The following RORA variants were observed in gnomAD, a reference collection of about 807,000 sequenced individuals.
RORA encodes the protein RAR related orphan receptor A.
RORA carries 7 observed loss-of-function variants against 69.5 expected under a neutral mutation model. The ratio of observed to expected loss-of-function variants is 0.10; its 90% confidence interval spans 0.06 to 0.19. The LOEUF (loss-of-function observed/expected upper bound fraction) is 0.19, where lower values mean the gene tolerates loss of function less well. Ranked by LOEUF, RORA falls within the 10% of genes least tolerant of loss-of-function variation. The pLI is 1.00. For missense variants in RORA, 457 were observed against 663.0 expected (o/e 0.69, Z 3.41); for synonymous variants, 261 against 240.8 (o/e 1.08, Z -0.78).
chr15:60,642,919 G>A (rs2140678685), intron 2 of RORA, among the ~76,000 whole-genome samples: 1 of 152,102 alleles, frequency 6.6e-6, no homozygotes, highest in Admixed American at 6.5e-5. Flanking sequence ...CCATTTGGGA[G>A]GTTGAGGTCA....
chr15:60,725,066 A>G (rs1223293658), intron 1 of RORA, among the ~76,000 whole-genome samples: 2 of 152,250 alleles, frequency 1.3e-5, no homozygotes, highest in East Asian at 3.8e-4. Context: ...CACATTTTAC[A>G]AGGAAAAAGG....
At chr15:60,815,372 T>C (rs2140371479) in intron 1 of RORA, among the ~76,000 whole-genome samples, 1 of 152,238 alleles carries the variant, frequency 6.6e-6, no homozygotes, top group East Asian at 1.9e-4. Flanking sequence ...GTGATTATGG[T>C]TTGTCTTACA....
chr15:61,123,434 C>G (rs2079119548), intron 1 of RORA, among the ~76,000 whole-genome samples: 1 of 152,138 alleles, frequency 6.6e-6, no homozygotes, highest in South Asian at 2.1e-4. Context: ...CTGGGCTAAA[C>G]CAGGTGTCTA....
At position 60,511,711 on chromosome 15, in the gene RORA, A is replaced by T; in HGVS notation, c.425-90T>A. On this transcript the variant is annotated intron_variant, in intron 4 of 10. Transcript: ENST00000335670. This position sits in a 1 kb window ranked among gnomAD's most constrained non-coding sequence, Gnocchi z 6.4. ...GCTTTGGGGTTTCCTTTGAAGTCTC[A>T]CACAATCTCAATCCAAAACTGCATG... is the stretch of plus-strand genomic sequence containing the variant. The T allele has an allele frequency of 7.3e-7, 1 of 1,369,068 alleles. No individual in the cohort carries two copies. The highest frequency in any genetic ancestry group is 9.8e-7 in the Non-Finnish European group (1 of 1,023,278). The allele number at this position is 1,369,068 out of a possible 1,614,324, so 84.8% of individuals were successfully genotyped here.
chr15:60,867,683 A>G (rs2073506010), intron 1 of RORA, among the ~76,000 whole-genome samples: 1 of 152,180 alleles, frequency 6.6e-6, no homozygotes, highest in Non-Finnish European at 1.5e-5. Flanking sequence ...TGTACTCTAT[A>G]GAAATTTTGT....
intron 1 of RORA, among the ~76,000 whole-genome samples, chr15:60,757,944 C>A (rs2071826485): frequency 6.6e-6 from 1 of 152,148 alleles, no homozygotes; most frequent in South Asian, 2.1e-4. Flanking sequence ...CACGGTACAG[C>A]CCAGCAATGC....
At chr15:60,638,136 G>T (rs935851556) in intron 2 of RORA, among the ~76,000 whole-genome samples, 12 of 152,176 alleles carry the variant, frequency 7.9e-5, no homozygotes, top group African/African-American at 2.9e-4. Flanking sequence ...GACATTTAAT[G>T]TTAAAAAGAT....
At chr15:61,047,939 A>G (rs946189809) in intron 1 of RORA, among the ~76,000 whole-genome samples, 3 of 152,180 alleles carry the variant, frequency 2.0e-5, no homozygotes, top group Non-Finnish European at 4.4e-5. Context: ...ACTTCTTCCT[A>G]TTGTGGCAAA....
chr15:60,503,569 C>G lies in RORA; in HGVS notation c.1041G>C (p.Leu347=). ...FAKRIDGFME[L]CQNDQIVLLK... ...GAAGCACAATTTGATCATTTTGACA[C>G]AGTTCCATAAATCCATCAATGCGTT... Residue 347 remains leucine (L), a synonymous_variant, in exon 7 of 11, where the codon CTG becomes CTC. Transcript: ENST00000335670. The G allele has an allele frequency of 6.2e-7, 1 of 1,614,122 alleles. No homozygotes were observed. The highest frequency in any genetic ancestry group is 8.5e-7 in the Non-Finnish European group (1 of 1,180,000).
At chr15:60,840,994 T>C (rs759764309) in intron 1 of RORA, 12 of 618,340 alleles carry the variant, frequency 1.9e-5, no homozygotes, top group Non-Finnish European at 2.4e-5. Flanking sequence ...CAATACCACC[T>C]CCTTCCTCGA....
At position 60,587,782 on chromosome 15, in the gene RORA, G is replaced by A. The variant is rs148269026; in HGVS notation, c.197-55931C>T. ...AGGAGCAAAGATTTTTAAAGTTATCGTATTATCTCCTGAAAATATGATGAG... is the reference window on the plus strand; with the variant it reads ...AGGAGCAAAGATTTTTAAAGTTATCATATTATCTCCTGAAAATATGATGAG... On this transcript the variant is annotated intron_variant, in intron 2 of 10. Transcript: ENST00000335670. 1.6e-4 allele frequency among the ~76,000 whole-genome samples: 25 copies of A among 152,190 alleles called. No individual in the cohort carries two copies. The East Asian group carries it at 3.5e-3, about 21-fold the overall frequency.
At chr15:61,163,116 G>A (rs144248730) in intron 1 of RORA, among the ~76,000 whole-genome samples, 51 of 152,268 alleles carry the variant, frequency 3.3e-4, no homozygotes, top group South Asian at 1.0e-3. Flanking sequence ...TTTTAGTGGG[G>A]TTTTTAAACA....
intron 1 of RORA, among the ~76,000 whole-genome samples, chr15:61,177,486 CAT>C (rs1271408943): frequency 1.2e-4 from 18 of 152,172 alleles, no homozygotes; most frequent in Admixed American, 9.2e-4. Context: ...TGGTTGCACA[CAT>C]GTTTACAACG....
chr15:60,927,420 C>T lies in RORA; in HGVS notation c.167-248734G>A, dbSNP rs75288856. On this transcript the variant is annotated intron_variant, in intron 1 of 10. Coordinates refer to ENST00000335670, the MANE Select transcript of RORA (RefSeq NM_134261.3). ...TATTAAATAACACTTCTTTCAATTTCGAATATAGTCTTTGCAGCTTCCTCT... is the reference window on the plus strand; with the variant it reads ...TATTAAATAACACTTCTTTCAATTTTGAATATAGTCTTTGCAGCTTCCTCT... Among the ~76,000 whole-genome samples, 1,239 of 152,288 alleles carry T rather than the reference C, an allele frequency of 8.1e-3. 24 individuals are homozygous for T. Among genetic ancestry groups the T allele is most frequent in the African/African-American group, 0.029 (1,186 of 41,552 alleles).
intron 2 of RORA, among the ~76,000 whole-genome samples, chr15:60,572,698 G>A (rs2067917327): frequency 6.6e-6 from 1 of 152,178 alleles, no homozygotes; most frequent in Admixed American, 6.5e-5. Context: ...TCCTGGGTAG[G>A]AGATGAGAGC....
chr15:61,187,205 C>T (rs1276434184), intron 1 of RORA, among the ~76,000 whole-genome samples: 1 of 152,166 alleles, frequency 6.6e-6, no homozygotes, highest in Non-Finnish European at 1.5e-5. Flanking sequence ...GTCCTTAATG[C>T]AAAATGACAG....
chr15:60,624,767 C>T (rs1485472322), intron 2 of RORA, among the ~76,000 whole-genome samples: 1 of 151,912 alleles, frequency 6.6e-6, no homozygotes, highest in African/African-American at 2.4e-5. Flanking sequence ...GTGTAACATC[C>T]ATCTGTGTTC....
intron 1 of RORA, among the ~76,000 whole-genome samples, chr15:60,909,638 G>C (rs1427228294): frequency 1.3e-5 from 2 of 152,190 alleles, no homozygotes; most frequent in African/African-American, 2.4e-5. Flanking sequence ...CAGAGAGACA[G>C]AGGAAGAGCA....
At chr15:61,177,311 G>A (rs4774390) in intron 1 of RORA, among the ~76,000 whole-genome samples, 9 of 152,064 alleles carry the variant, frequency 5.9e-5, no homozygotes, top group African/African-American at 1.9e-4. Context: ...CCAGAAATGC[G>A]TGCTTAGAAA....
Sources: allele counts gnomAD v4.1 joint callset (sites outside exome capture counted in the v4.1 genomes callset), GRCh38; gene constraint gnomAD v4.1.1; non-coding constraint Gnocchi (gnomAD v3.1); transcripts MANE v1.5; gene names NCBI Gene and HGNC (gene_info 2026-07-23, HGNC 2026-07-21).